Variants in SGCZ observed in about 807,000 individuals in gnomAD.
SGCZ encodes the protein sarcoglycan zeta.
A neutral mutation model predicts 41.3 loss-of-function variants in SGCZ; 40 were observed. The observed-to-expected ratio is 0.97, with a 90% confidence interval of 0.75 to 1.26. The LOEUF (loss-of-function observed/expected upper bound fraction) is 1.26. Ranked by LOEUF, SGCZ falls within the 50% of genes most tolerant of loss-of-function variation. SGCZ has a pLI of 0.00. For synonymous variants in SGCZ, 206 were observed against 137.5 expected (o/e 1.50, Z -3.49); for missense variants, 552 against 369.8 (o/e 1.49, Z -4.04).
At chr8:14,964,879 G>A (rs529007757) in intron 1 of SGCZ, among the ~76,000 whole-genome samples, 1 of 152,078 alleles carries the variant, frequency 6.6e-6, no homozygotes, top group Non-Finnish European at 1.5e-5. Flanking sequence ...TTATGTGGGC[G>A]CTTCTACTGG....
intron 1 of SGCZ, among the ~76,000 whole-genome samples, chr8:14,593,584 G>A (rs956577301): frequency 4.6e-5 from 7 of 152,118 alleles, no homozygotes; most frequent in Non-Finnish European, 1.5e-5. Context: ...TGGAAAGGAT[G>A]GCGACAGTGG....
intron 1 of SGCZ, among the ~76,000 whole-genome samples, chr8:15,222,610 A>G (rs1801641185): frequency 6.6e-6 from 1 of 152,160 alleles, no homozygotes; most frequent in African/African-American, 2.4e-5. Flanking sequence ...TAGCACCTTC[A>G]TTTTGCATTT....
At chr8:14,332,416 G>C (rs1802364783) in intron 2 of SGCZ, 1 of 152,078 alleles carries the variant, frequency 6.6e-6, no homozygotes, top group South Asian at 2.1e-4. Flanking sequence ...ACTCCAGCCT[G>C]GGCGACAGAG....
intron 1 of SGCZ, among the ~76,000 whole-genome samples, chr8:15,053,543 G>C (rs920149947): frequency 2.0e-5 from 3 of 152,098 alleles, no homozygotes; most frequent in Non-Finnish European, 4.4e-5. Flanking sequence ...AATTAACTAA[G>C]AGCAGGCTAA....
intron 1 of SGCZ, among the ~76,000 whole-genome samples, chr8:15,211,151 T>C (rs1196247175): frequency 6.6e-6 from 1 of 151,734 alleles, no homozygotes; most frequent in Non-Finnish European, 1.5e-5. Context: ...ATTCTATATG[T>C]TGATATCTAG....
In SGCZ at chr8:14,324,205, C is replaced by G; in HGVS notation, c.235-1G>C. 1 of 1,605,316 alleles carries G rather than the reference C, an allele frequency of 6.2e-7. No homozygotes were observed. Among genetic ancestry groups the G allele is most frequent in the Non-Finnish European group, 8.5e-7 (1 of 1,172,770 alleles). ...TGACTCTCAGATTTCCCATACCATC[C>G]TACAAGCAATGAAATATAGTTCACT... On this transcript the variant is annotated splice_acceptor_variant, in intron 2 of 7. Coordinates refer to ENST00000382080, the MANE Select transcript of SGCZ (RefSeq NM_139167.4). LOFTEE classifies it high-confidence loss of function.
chr8:14,358,283 G>C (rs1803368000), intron 2 of SGCZ, among the ~76,000 whole-genome samples: 1 of 152,022 alleles, frequency 6.6e-6, no homozygotes, highest in African/African-American at 2.4e-5. Context: ...TTTTCTTTTT[G>C]AAATGGGGTA....
intron 3 of SGCZ, among the ~76,000 whole-genome samples, chr8:14,297,750 T>G (rs1801061712): frequency 6.6e-6 from 1 of 152,046 alleles, no homozygotes; most frequent in Admixed American, 6.6e-5. Flanking sequence ...CGGCTATATC[T>G]GGGAAGAAAG....
chr8:15,135,739 G>T (rs901254220), intron 1 of SGCZ, among the ~76,000 whole-genome samples: 2 of 152,190 alleles, frequency 1.3e-5, no homozygotes, highest in Non-Finnish European at 2.9e-5. Flanking sequence ...GCTTGGCCTG[G>T]GATGGTTCTT....
At chr8:14,706,924 A>C (rs1184486795) in intron 1 of SGCZ, among the ~76,000 whole-genome samples, 1 of 151,628 alleles carries the variant, frequency 6.6e-6, no homozygotes, top group East Asian at 1.9e-4. Flanking sequence ...AATTCTTATT[A>C]TTTAGAAGAA....
chr8:14,395,494 G>T (rs748647915), intron 2 of SGCZ, among the ~76,000 whole-genome samples: 1 of 152,128 alleles, frequency 6.6e-6, no homozygotes, highest in African/African-American at 2.4e-5. Flanking sequence ...GAATACACTT[G>T]GGCTAATAAC....
intron 1 of SGCZ, among the ~76,000 whole-genome samples, chr8:14,749,040 T>A (rs1239848073): frequency 6.6e-6 from 1 of 152,150 alleles, no homozygotes; most frequent in Non-Finnish European, 1.5e-5. Context: ...TGACTAATTT[T>A]CATCCAATTT....
At position 14,087,714 on chromosome 8, in the gene SGCZ, T is replaced by TTA. The variant is rs758541687; in HGVS notation, c.*2728_*2729insTA. Among the ~76,000 whole-genome samples, 44 of 147,506 alleles carry TTA rather than the reference T, an allele frequency of 3.0e-4. No individual in the cohort carries two copies. Among genetic ancestry groups the TTA allele is most frequent in the African/African-American group, 9.6e-4 (39 of 40,578 alleles). On this transcript the variant is annotated 3_prime_UTR_variant, in exon 8 of 8. Coordinates refer to ENST00000382080, the MANE Select transcript of SGCZ (RefSeq NM_139167.4). Reference sequence around the variant, plus strand: ...TGCAATTAAGGGACCACTATATTTTTAAAAAAAAAAAAATGCTTTTTTGTG... The same window carrying TTA: ...TGCAATTAAGGGACCACTATATTTTTTAAAAAAAAAAAAAATGCTTTTTTGTG...
chr8:14,868,316 T>C (rs1804007781), intron 1 of SGCZ, among the ~76,000 whole-genome samples: 1 of 152,180 alleles, frequency 6.6e-6, no homozygotes, highest in Non-Finnish European at 1.5e-5. Flanking sequence ...CACTGTGGCA[T>C]GTAGCCCAAC....
rs57898016 is a variant in SGCZ at position 14,493,359 on chromosome 8, C to CT, written c.234+61372dup. On this transcript the variant is annotated intron_variant, in intron 2 of 7. Transcript: ENST00000382080. The stretch of plus-strand genomic sequence containing the variant: ...CATACTTTTCCCACTATCATCCTTT[C>CT]TTTTTTTTTTTTTTTTTTTTTTTTT... 3.0e-3 allele frequency among the ~76,000 whole-genome samples: 132 copies of CT among 44,272 alleles called. 23 individuals carry two copies. Among genetic ancestry groups the CT allele is most frequent in the Middle Eastern group, 0.022 (1 of 46 alleles). The allele number at this position is 44,272 out of a possible 152,430, so 29.0% of individuals were successfully genotyped here. A position where few individuals can be genotyped will look rare whatever the true frequency, so the allele number is the denominator to read the frequency against.
intron 4 of SGCZ, among the ~76,000 whole-genome samples, chr8:14,195,804 A>G (rs1183045486): frequency 1.3e-5 from 2 of 152,192 alleles, no homozygotes; most frequent in Non-Finnish European, 2.9e-5. Flanking sequence ...AATTCTACAC[A>G]TAATAAAAAT....
At chr8:14,510,420 A>T (rs1585612597) in intron 2 of SGCZ, among the ~76,000 whole-genome samples, 1 of 151,840 alleles carries the variant, frequency 6.6e-6, no homozygotes, top group East Asian at 1.9e-4. Flanking sequence ...ATCTATTACT[A>T]TAAAACCTAT....
intron 1 of SGCZ, among the ~76,000 whole-genome samples, chr8:14,700,732 G>A (rs907271926): frequency 2.6e-5 from 4 of 151,942 alleles, no homozygotes; most frequent in African/African-American, 9.7e-5. Flanking sequence ...CATTTTGGAT[G>A]TTAACATTTT....
intron 1 of SGCZ, among the ~76,000 whole-genome samples, chr8:14,866,679 G>A (rs1250008485): frequency 1.3e-5 from 2 of 152,020 alleles, no homozygotes; most frequent in African/African-American, 2.4e-5. Flanking sequence ...GCATGATGGT[G>A]CATGCTTCTA....
Sources: allele counts gnomAD v4.1 joint callset (sites outside exome capture counted in the v4.1 genomes callset), GRCh38; gene constraint gnomAD v4.1.1; transcripts MANE v1.5; gene names NCBI Gene and HGNC (gene_info 2026-07-23, HGNC 2026-07-21).